CCDC82: variants seen among roughly 807,000 people sequenced by gnomAD.
The protein encoded by CCDC82 is coiled-coil domain containing 82.
Under a neutral mutation model 60.6 loss-of-function variants are expected in CCDC82, and 47 were observed. That is an observed-to-expected ratio of 0.77 (90% CI 0.61 to 0.99). The LOEUF (loss-of-function observed/expected upper bound fraction) is 0.99, where lower values mean the gene tolerates loss of function less well. Among genes scored for constraint, CCDC82 ranks in the 50% least tolerant of loss-of-function variants. CCDC82 has a pLI of 0.00. For synonymous variants in CCDC82, 212 were observed against 207.4 expected (o/e 1.02, Z -0.19); for missense variants, 588 against 633.0 (o/e 0.93, Z 0.76).
chr11:96,378,384 T>C (rs1390553488), intron 5 of CCDC82, among the ~76,000 whole-genome samples: 1 of 152,042 alleles, frequency 6.6e-6, no homozygotes, highest in Non-Finnish European at 1.5e-5. Context: ...TTCCTCTGAG[T>C]CTACCTTTAC....
intron 5 of CCDC82, among the ~76,000 whole-genome samples, chr11:96,373,727 A>T (rs1327750053): frequency 2.0e-5 from 3 of 152,192 alleles, no homozygotes; most frequent in Non-Finnish European, 4.4e-5. Flanking sequence ...CTGTTCAGAG[A>T]ATATTAAAAT....
intron 5 of CCDC82, among the ~76,000 whole-genome samples, chr11:96,378,001 T>A (rs1398182503): frequency 5.3e-5 from 8 of 152,014 alleles, no homozygotes; most frequent in African/African-American, 1.9e-4. Flanking sequence ...GTTATACAAT[T>A]TTCTTCCTTT....
chr11:96,389,400 G>A (rs1866409314), intron 1 of CCDC82: 1 of 152,180 alleles, frequency 6.6e-6, no homozygotes, highest in African/African-American at 2.4e-5. Context: ...GCGCCCGCTA[G>A]CCCACTAGTC....
chr11:96,365,236 AT>A, intron 7 of CCDC82, 86 bp from the exon 8 acceptor site: 1 of 862,652 alleles, frequency 1.2e-6, no homozygotes, highest in Non-Finnish European at 1.7e-6. Context: ...CATCTTAGGG[AT>A]TACAATACAA....
rs1026834829 is a variant in CCDC82 at position 96,384,532 on chromosome 11, T to C, written c.216A>G (p.Gly72=). The C allele has an allele frequency of 1.2e-6, 2 of 1,613,682 alleles. No homozygotes were observed. The highest frequency in any genetic ancestry group is 3.3e-5 in the Admixed American group (2 of 59,962). ...ENDEELDSNK[G]PDCNKTPGSE... is the part of the protein sequence containing the mutation. Reference sequence around the variant, plus strand: ...TTCCTGGTGTTTTATTACAATCAGGTCCCTTGTTACTATCAAGCTCTTCAT... The same window carrying C: ...TTCCTGGTGTTTTATTACAATCAGGCCCCTTGTTACTATCAAGCTCTTCAT... Residue 72 remains glycine, a synonymous_variant, in exon 4 of 10, where the codon GGA becomes GGG. Coordinates refer to ENST00000646818, the MANE Select transcript of CCDC82 (RefSeq NM_024725.4).
intron 8 of CCDC82, 101 bp from the exon 9 acceptor site, chr11:96,359,279 C>T: frequency 1.1e-6 from 1 of 880,498 alleles, no homozygotes; most frequent in Non-Finnish European, 1.7e-6. Flanking sequence ...TATTAACTTC[C>T]AGTGTTTACA....
intron 5 of CCDC82, among the ~76,000 whole-genome samples, chr11:96,375,756 T>C (rs186535595): frequency 6.6e-6 from 1 of 152,364 alleles, no homozygotes; most frequent in East Asian, 1.9e-4. Context: ...TTGTTACACA[T>C]GGTAGATTTG....
At chr11:96,359,260 A>G in intron 8 of CCDC82, 82 bp from the exon 9 acceptor site, 1 of 1,061,278 alleles carries the variant, frequency 9.4e-7, no homozygotes, top group Non-Finnish European at 1.3e-6. Flanking sequence ...TAGTAGAATC[A>G]AAATGCATTA....
At chr11:96,369,444 G>A (rs188595599) in intron 7 of CCDC82, among the ~76,000 whole-genome samples, 51 of 152,246 alleles carry the variant, frequency 3.3e-4, no homozygotes, top group Admixed American at 3.3e-3. Flanking sequence ...TGAACGATCA[G>A]AGGCCATTTT....
At chr11:96,388,018 C>T (rs1378150540) in intron 1 of CCDC82, 1 of 152,238 alleles carries the variant, frequency 6.6e-6, no homozygotes, top group Non-Finnish European at 1.5e-5. Context: ...AATCAGGTTT[C>T]ATTGGACCAA....
chr11:96,364,594 T>C (rs1864848366), intron 8 of CCDC82: 1 of 153,868 alleles, frequency 6.5e-6, no homozygotes, highest in Non-Finnish European at 1.4e-5. Flanking sequence ...GCAGCAATCT[T>C]ATAAAGTAAG....
At chr11:96,362,705 A>T (rs1367824636) in intron 8 of CCDC82, among the ~76,000 whole-genome samples, 4 of 152,152 alleles carry the variant, frequency 2.6e-5, no homozygotes, top group Non-Finnish European at 5.9e-5. Context: ...TACTGCTGTA[A>T]CCAAAATTAC....
intron 8 of CCDC82, among the ~76,000 whole-genome samples, chr11:96,360,960 C>T (rs960362804): frequency 2.0e-5 from 3 of 152,204 alleles, no homozygotes; most frequent in Non-Finnish European, 2.9e-5. Context: ...AAAAACCTTC[C>T]TGCTTTTCAG....
At chr11:96,373,793 CACTT>C (rs759421984) in intron 5 of CCDC82, among the ~76,000 whole-genome samples, 8 of 152,220 alleles carry the variant, frequency 5.3e-5, no homozygotes, top group South Asian at 2.1e-4. Context: ...ATCAATTTGA[CACTT>C]AGAGTGACAG....
intron 9 of CCDC82, chr11:96,358,662 C>G: frequency 1.7e-6 from 2 of 1,209,056 alleles, no homozygotes; most frequent in Non-Finnish European, 2.1e-6. Context: ...GTCCTATACT[C>G]TGTCAAAAAA....
chr11:96,367,538 T>C (rs745681083), intron 7 of CCDC82, among the ~76,000 whole-genome samples: 7 of 152,344 alleles, frequency 4.6e-5, no homozygotes, highest in Non-Finnish European at 8.8e-5. Flanking sequence ...GTCACATCTT[T>C]AAGTTTCACT....
intron 1 of CCDC82, chr11:96,388,370 A>C (rs1457590178): frequency 6.6e-6 from 1 of 152,222 alleles, no homozygotes; most frequent in Non-Finnish European, 1.5e-5. Flanking sequence ...GAGCTTCTGT[A>C]ATGATACCTT....
rs11021565 is a variant in CCDC82 at position 96,383,057 on chromosome 11, T to C, written c.991+212A>G. Reference sequence around the variant, plus strand: ...GGTAAATATTGACAGGCATAACTCATTGAAGTAAAGGCGTGTTGGGGTTAA... The same window carrying C: ...GGTAAATATTGACAGGCATAACTCACTGAAGTAAAGGCGTGTTGGGGTTAA... On this transcript the variant is annotated intron_variant, in intron 5 of 9. Transcript: ENST00000646818. 1,383 of 489,080 alleles carry C rather than the reference T, an allele frequency of 2.8e-3. 16 individuals carry two copies. The highest frequency in any genetic ancestry group is 0.025 in the African/African-American group (1,268 of 50,006). The allele number at this position is 489,080 out of a possible 1,614,324, so 30.3% of individuals were successfully genotyped here. A position where few individuals can be genotyped will look rare whatever the true frequency, so the allele number is the denominator to read the frequency against.
chr11:96,360,662 T>A, intron 8 of CCDC82, among the ~76,000 whole-genome samples: 1 of 152,318 alleles, frequency 6.6e-6, no homozygotes, highest in Non-Finnish European at 1.5e-5. Context: ...ACTAATGGGT[T>A]ATGCTTTCAT....
Sources: allele counts gnomAD v4.1 joint callset (sites outside exome capture counted in the v4.1 genomes callset), GRCh38; gene constraint gnomAD v4.1.1; transcripts MANE v1.5; gene names NCBI Gene and HGNC (gene_info 2026-07-23, HGNC 2026-07-21).